The following PTPN3 variants were observed in gnomAD, a reference collection of about 807,000 sequenced individuals.
PTPN3 encodes protein tyrosine phosphatase non-receptor type 3, also known as tyrosine-protein phosphatase non-receptor type 3.
Under a neutral mutation model 132.7 loss-of-function variants are expected in PTPN3, and 96 were observed. The observed-to-expected ratio is 0.72, with a 90% confidence interval of 0.61 to 0.86. The LOEUF (loss-of-function observed/expected upper bound fraction) is 0.86. Among genes scored for constraint, PTPN3 ranks in the 40% least tolerant of loss-of-function variants. The pLI is 0.00. For missense variants in PTPN3, 1,125 were observed against 1,159.6 expected (o/e 0.97, Z 0.43); for synonymous variants, 398 against 429.0 (o/e 0.93, Z 0.89).
intron 1 of PTPN3, among the ~76,000 whole-genome samples, chr9:109,464,920 T>C (rs937101942): frequency 6.6e-6 from 1 of 152,188 alleles, no homozygotes; most frequent in Non-Finnish European, 1.5e-5. Context: ...CCTTTGTGTG[T>C]AGTGAGGGGA....
chr9:109,507,624 C>T, the PTPN3 span, among the ~76,000 whole-genome samples: 4 of 152,208 alleles, frequency 2.6e-5, no homozygotes, highest in African/African-American at 7.2e-5. Flanking sequence ...GACTGTCCAG[C>T]GATGCCTTTG....
chr9:109,431,154 C>T (rs2131896149), intron 10 of PTPN3, among the ~76,000 whole-genome samples: 1 of 152,344 alleles, frequency 6.6e-6, no homozygotes, highest in Non-Finnish European at 1.5e-5. Flanking sequence ...GTGAGGGAGG[C>T]TTCAGCAGGA....
At chr9:109,458,480 G>T (rs1299933985) in intron 2 of PTPN3, among the ~76,000 whole-genome samples, 1 of 151,710 alleles carries the variant, frequency 6.6e-6, no homozygotes, top group African/African-American at 2.4e-5. Context: ...TATAGAACAG[G>T]CAAAGGTAGC....
At position 109,475,802 on chromosome 9, in the gene PTPN3, C is replaced by T. The variant is rs561846580; in HGVS notation, c.-17-12351G>A. 7.2e-5 allele frequency among the ~76,000 whole-genome samples: 11 copies of T among 152,306 alleles called. No individual in the cohort carries two copies. In the South Asian group the frequency reaches 2.3e-3, roughly 32 times the overall value. On this transcript the variant is annotated intron_variant, in intron 1 of 25. Coordinates refer to ENST00000374541, the MANE Select transcript of PTPN3 (RefSeq NM_002829.4). ...TGAGATGTGCTAATCACAGTGCATA[C>T]CAGCCAAGAAGCTGGAATCTCACAA...
the PTPN3 span, among the ~76,000 whole-genome samples, chr9:109,535,759 G>A: frequency 3.9e-5 from 6 of 151,962 alleles, no homozygotes; most frequent in East Asian, 1.9e-4. Flanking sequence ...TGCTTGCTTC[G>A]GCCTCTCAGA....
At chr9:109,537,780 C>G in the PTPN3 span, among the ~76,000 whole-genome samples, 1 of 152,198 alleles carries the variant, frequency 6.6e-6, no homozygotes, top group Non-Finnish European at 1.5e-5. Flanking sequence ...GTAGGCAGCA[C>G]TTCTGAAAAT....
At chr9:109,507,217 G>A in the PTPN3 span, among the ~76,000 whole-genome samples, 2 of 152,198 alleles carry the variant, frequency 1.3e-5, no homozygotes, top group Admixed American at 6.5e-5. Flanking sequence ...AAGGAAAAAT[G>A]GTTTTGGTGA....
intron 1 of PTPN3, among the ~76,000 whole-genome samples, chr9:109,476,713 A>G (rs1846684173): frequency 6.6e-6 from 1 of 152,182 alleles, no homozygotes; most frequent in South Asian, 2.1e-4. Flanking sequence ...ACCTGAACAA[A>G]TTAATGTTTT....
intron 14 of PTPN3, among the ~76,000 whole-genome samples, chr9:109,419,951 T>C (rs1234375348): frequency 6.6e-6 from 1 of 152,206 alleles, no homozygotes; most frequent in Non-Finnish European, 1.5e-5. Context: ...TTCTTTATAC[T>C]AACTATTAAT....
the PTPN3 span, chr9:109,532,916 C>A: frequency 1.0e-3 from 1,037 of 992,534 alleles, 5 homozygotes; most frequent in African/African-American, 0.017. Flanking sequence ...CTCTTTGCCA[C>A]CTTGTGGTTT....
intron 6 of PTPN3, among the ~76,000 whole-genome samples, chr9:109,446,222 T>A (rs970995852): frequency 3.3e-5 from 5 of 152,174 alleles, no homozygotes; most frequent in African/African-American, 1.2e-4. Flanking sequence ...TGGGAGCCAC[T>A]GGGACTTTAA....
At chr9:109,447,747 G>C (rs903248653) in intron 6 of PTPN3, among the ~76,000 whole-genome samples, 6 of 152,128 alleles carry the variant, frequency 3.9e-5, no homozygotes, top group African/African-American at 1.4e-4. Context: ...AACCGCCCCT[G>C]GCCTCTGCCA....
intron 14 of PTPN3, among the ~76,000 whole-genome samples, chr9:109,415,027 CGTCT>C (rs1018512850): frequency 5.5e-4 from 83 of 152,012 alleles, no homozygotes; most frequent in African/African-American, 1.9e-3. Flanking sequence ...ACCATTTGTC[CGTCT>C]GTCCGTCCGT....
chr9:109,473,149 T>C (rs1389664291), intron 1 of PTPN3, among the ~76,000 whole-genome samples: 2 of 152,346 alleles, frequency 1.3e-5, no homozygotes, highest in East Asian at 1.9e-4. Flanking sequence ...CAGGTCACTT[T>C]AATAATACAG....
chr9:109,414,147 G>T (rs916301086), intron 14 of PTPN3, among the ~76,000 whole-genome samples: 1 of 152,304 alleles, frequency 6.6e-6, no homozygotes. Flanking sequence ...AGGATCACCC[G>T]AGGTGATTGG....
chr9:109,427,583 A>G (rs565680066), intron 11 of PTPN3, among the ~76,000 whole-genome samples: 8 of 152,210 alleles, frequency 5.3e-5, no homozygotes, highest in Non-Finnish European at 8.8e-5. Flanking sequence ...CAGTGCTCAT[A>G]TGTAATAATC....
chr9:109,449,044 T>C, intron 5 of PTPN3, 189 bp from the exon 6 acceptor site: 2 of 1,409,726 alleles, frequency 1.4e-6, no homozygotes, highest in Non-Finnish European at 1.8e-6. Context: ...TGATGGCTCA[T>C]GTTGATGCCC....
At chr9:109,401,361 C>T (rs1175154024) in intron 19 of PTPN3, among the ~76,000 whole-genome samples, 1 of 152,214 alleles carries the variant, frequency 6.6e-6, no homozygotes, top group Non-Finnish European at 1.5e-5. Flanking sequence ...AATCCAGTAG[C>T]TGTGGGCGGG....
chr9:109,423,532 C>T (rs556803510), intron 12 of PTPN3, among the ~76,000 whole-genome samples: 5 of 152,216 alleles, frequency 3.3e-5, no homozygotes, highest in Admixed American at 1.3e-4. Flanking sequence ...CCTGAATCCC[C>T]GAGACAGAGG....
Sources: allele counts gnomAD v4.1 joint callset (sites outside exome capture counted in the v4.1 genomes callset), GRCh38; gene constraint gnomAD v4.1.1; transcripts MANE v1.5; gene names NCBI Gene and HGNC (gene_info 2026-07-23, HGNC 2026-07-21).